SWT1: variants seen among roughly 807,000 people sequenced by gnomAD.
SWT1 encodes the protein transcriptional protein SWT1.
A neutral mutation model predicts 107.3 loss-of-function variants in SWT1; 33 were observed. The ratio of observed to expected loss-of-function variants is 0.31; its 90% CI spans 0.23 to 0.41. The LOEUF (loss-of-function observed/expected upper bound fraction) is 0.41, where lower values mean the gene tolerates loss of function less well. SWT1 is among the 10% of genes least tolerant of loss of function. The probability of loss-of-function intolerance (pLI) is 1.00; values close to 1 mark genes in which losing one functional copy is unlikely to be tolerated. For missense variants in SWT1, 898 were observed against 1,028.9 expected (o/e 0.87, Z 1.74); for synonymous variants, 345 against 348.3 (o/e 0.99, Z 0.11).
At chr1:185,247,421 A>G (rs913815212) in intron 16 of SWT1, among the ~76,000 whole-genome samples, 5 of 152,168 alleles carry the variant, frequency 3.3e-5, no homozygotes, top group African/African-American at 1.2e-4. Flanking sequence ...TAACTGGACA[A>G]ATGGACTGTT....
chr1:185,233,827 T>A (rs1660667365), intron 16 of SWT1, among the ~76,000 whole-genome samples: 1 of 152,148 alleles, frequency 6.6e-6, no homozygotes, highest in African/African-American at 2.4e-5. Context: ...CACTGCAAGC[T>A]CCGCCTCCTG....
In SWT1 at chr1:185,204,871, G is replaced by C; in HGVS notation, c.1833+8G>C. 6.6e-7 allele frequency: 1 copy of C among 1,525,462 alleles called. No homozygotes were observed. The highest frequency in any genetic ancestry group is 2.5e-5 in the East Asian group (1 of 40,162). 94.5% of individuals were successfully genotyped at this position (1,525,462 alleles called of 1,614,324 possible). On this transcript the variant is annotated splice_region_variant and intron_variant, in intron 12 of 18. Coordinates refer to ENST00000367500, the MANE Select transcript of SWT1 (RefSeq NM_017673.7). ...GGAAACCTTTGGATGGAGGTGATTAGTTGAACTCTATTAGTTGAAAATTTC... is the reference window on the plus strand; with the variant it reads ...GGAAACCTTTGGATGGAGGTGATTACTTGAACTCTATTAGTTGAAAATTTC...
chr1:185,255,081 T>G (rs1180257714), intron 16 of SWT1, among the ~76,000 whole-genome samples: 1 of 152,170 alleles, frequency 6.6e-6, no homozygotes, highest in Non-Finnish European at 1.5e-5. Context: ...TCCATGTAGT[T>G]GAGGGGTTTT....
chr1:185,271,464 G>A, intron 17 of SWT1, 75 bp downstream of exon 17: 2 of 755,536 alleles, frequency 2.6e-6, no homozygotes, highest in Non-Finnish European at 4.5e-6. Context: ...CAGAGTAGGA[G>A]TTCTCAAACA....
chr1:185,237,629 A>G (rs1416490691), intron 16 of SWT1, among the ~76,000 whole-genome samples: 2 of 152,150 alleles, frequency 1.3e-5, no homozygotes, highest in Non-Finnish European at 2.9e-5. Context: ...GGAAACCACA[A>G]TGGAACGTGT....
At chr1:185,185,337 TAATG>T (rs1165753505) in intron 9 of SWT1, among the ~76,000 whole-genome samples, 2 of 152,188 alleles carry the variant, frequency 1.3e-5, no homozygotes, top group African/African-American at 4.8e-5. Context: ...GAATCGGTAA[TAATG>T]AATGAGGTGT....
chr1:185,202,049 A>G (rs570554290), intron 10 of SWT1, among the ~76,000 whole-genome samples: 1 of 152,212 alleles, frequency 6.6e-6, no homozygotes, highest in Non-Finnish European at 1.5e-5. Context: ...GGCCTCCAGA[A>G]CAATTTAATA....
intron 7 of SWT1, among the ~76,000 whole-genome samples, chr1:185,183,782 A>G (rs1435145202): frequency 2.0e-5 from 3 of 152,210 alleles, no homozygotes; most frequent in Non-Finnish European, 2.9e-5. Context: ...GTGATTAAAC[A>G]TTGATTACTA....
At chr1:185,188,710 G>A (rs74134431) in intron 9 of SWT1, among the ~76,000 whole-genome samples, 2,527 of 152,300 alleles carry the variant, frequency 0.017, 61 homozygotes, top group African/African-American at 0.058. Context: ...TAGGCCAGAA[G>A]TTGAGAGAAA....
chr1:185,242,305 G>A (rs558275641), intron 16 of SWT1, among the ~76,000 whole-genome samples: 32 of 152,040 alleles, frequency 2.1e-4, no homozygotes, highest in Non-Finnish European at 4.4e-4. Context: ...CGTATCAGTC[G>A]GACTGAATTT....
intron 2 of SWT1, among the ~76,000 whole-genome samples, chr1:185,162,823 A>AT (rs1452421269): frequency 1.3e-5 from 2 of 151,894 alleles, no homozygotes; most frequent in Non-Finnish European, 2.9e-5. Context: ...GTCTAAAAAA[A>AT]TGTGCATATG....
rs977828623 is a variant in SWT1 at position 185,215,636 on chromosome 1, T to G, written c.2121+981T>G. ...TCACTGCAACCTCCACCTACTGGGC[T>G]TAAGTGATTCTTCCACGTCAGCCCC... is the stretch of plus-strand genomic sequence containing the variant. On this transcript the variant is annotated intron_variant, in intron 14 of 18. Transcript: ENST00000367500. Among the ~76,000 whole-genome samples, 9 of 152,278 alleles carry G rather than the reference T, an allele frequency of 5.9e-5. No individual in the cohort carries two copies. The South Asian group carries it at 1.9e-3, about 32-fold the overall frequency.
intron 16 of SWT1, chr1:185,263,771 T>C (rs1014441319): frequency 2.6e-5 from 4 of 152,146 alleles, no homozygotes; most frequent in Non-Finnish European, 1.5e-5. Context: ...AAGATGAAAC[T>C]GGGACTAGAA....
chr1:185,254,522 C>T (rs879888468), intron 16 of SWT1, among the ~76,000 whole-genome samples: 1,420 of 136,916 alleles, frequency 0.01, 19 homozygotes, highest in Admixed American at 0.014. Flanking sequence ...GTGTATGTGT[C>T]GAGGAATTTA....
chr1:185,223,724 TG>T (rs757493279), intron 15 of SWT1, among the ~76,000 whole-genome samples: 53 of 152,286 alleles, frequency 3.5e-4, no homozygotes, highest in Non-Finnish European at 6.3e-4. Flanking sequence ...GGGAGTTTGT[TG>T]TACAGATTAT....
intron 18 of SWT1, among the ~76,000 whole-genome samples, chr1:185,282,895 T>C (rs572389787): frequency 6.6e-6 from 1 of 152,300 alleles, no homozygotes; most frequent in South Asian, 2.1e-4. Flanking sequence ...GTCGACCAAC[T>C]ACCTATAAAT....
At position 185,286,085 on chromosome 1, in the gene SWT1, G is replaced by A. The variant is rs919000845; in HGVS notation, c.2574-4589G>A. 2.6e-5 allele frequency among the ~76,000 whole-genome samples: 4 copies of A among 152,164 alleles called. No homozygotes were observed. In the South Asian group the frequency reaches 8.3e-4, roughly 32 times the overall value. On this transcript the variant is annotated intron_variant, in intron 18 of 18. Transcript: ENST00000367500. ...CAGCTTTTCTGTTTCTACAAAAAAG[G>A]TTGTTGGGATTTTGATAGAAATTGC...
intron 10 of SWT1, among the ~76,000 whole-genome samples, chr1:185,198,378 A>G (rs1388554456): frequency 1.3e-5 from 2 of 152,220 alleles, no homozygotes; most frequent in African/African-American, 4.8e-5. Context: ...CAGTTTTAGA[A>G]TAAGTGCAAT....
chr1:185,251,447 A>C (rs1471313952), intron 16 of SWT1: 1 of 152,216 alleles, frequency 6.6e-6, no homozygotes, highest in Non-Finnish European at 1.5e-5. Flanking sequence ...ATATTATTAT[A>C]TACTTGCTGA....
Sources: gnomAD v4.1 joint callset for allele counts (sites outside exome capture counted in the v4.1 genomes callset) on GRCh38, gnomAD v4.1.1 for gene constraint, MANE v1.5 for transcripts, NCBI Gene and HGNC (gene_info 2026-07-23, HGNC 2026-07-21) for gene names.